MAEA: variants seen among roughly 807,000 people sequenced by gnomAD.
MAEA encodes E3 ubiquitin-protein transferase MAEA.
Under a neutral mutation model 46.2 loss-of-function variants are expected in MAEA, and 22 were observed. That is an observed-to-expected ratio of 0.48 (90% CI 0.34 to 0.68). The LOEUF (loss-of-function observed/expected upper bound fraction) is 0.68, where lower values mean the gene tolerates loss of function less well. Among genes scored for constraint, MAEA ranks in the 30% least tolerant of loss-of-function variants. The probability of loss-of-function intolerance (pLI) is 0.01; values close to 1 mark genes in which losing one functional copy is unlikely to be tolerated. For missense variants in MAEA, 393 were observed against 558.1 expected (o/e 0.70, Z 2.98); for synonymous variants, 246 against 222.6 (o/e 1.11, Z -0.94).
intron 1 of MAEA, among the ~76,000 whole-genome samples, chr4:1,290,247 G>A (rs1271117193): frequency 2.6e-5 from 4 of 152,156 alleles, no homozygotes; most frequent in Non-Finnish European, 4.4e-5. Flanking sequence ...GACTCTGGCA[G>A]CGCTAAGGGT....
At position 1,339,196 on chromosome 4, in the gene MAEA, G is replaced by A. The variant is rs753071799; in HGVS notation, c.*27G>A. 43 of 1,582,914 alleles carry A rather than the reference G, an allele frequency of 2.7e-5. No individual in the cohort carries two copies. The highest frequency in any genetic ancestry group is 4.5e-5 in the East Asian group (2 of 44,676). ...CCCCACGTCGTGAAGCGCACGCCTCGGGGACGGGCTGCAGTGGGCGGGGAG... is the reference window on the plus strand; with the variant it reads ...CCCCACGTCGTGAAGCGCACGCCTCAGGGACGGGCTGCAGTGGGCGGGGAG... On this transcript the variant is annotated 3_prime_UTR_variant, in exon 9 of 9. Transcript: ENST00000303400.
At chr4:1,310,062 C>G (rs537852936) in intron 1 of MAEA, 2 of 1,089,636 alleles carry the variant, frequency 1.8e-6, no homozygotes, top group Admixed American at 9.9e-5. Context: ...GTCTAATGGT[C>G]TAATGGCGAA....
Position 1,290,424 on chromosome 4 carries a change from G to T in MAEA, c.69+442G>T, listed in dbSNP as rs186123821. Reference sequence around the variant, plus strand: ...GGTCGCTAGTTAGGAACTGTAGGGAGAAACCTCACGGCCTGATGGCACCCA... The same window carrying T: ...GGTCGCTAGTTAGGAACTGTAGGGATAAACCTCACGGCCTGATGGCACCCA... On this transcript the variant is annotated intron_variant, in intron 1 of 8. Coordinates refer to ENST00000303400, the MANE Select transcript of MAEA (RefSeq NM_001017405.3). Among the ~76,000 whole-genome samples the T allele has an allele frequency of 3.8e-3, 582 of 152,294 alleles. 3 individuals are homozygous for T. The highest frequency in any genetic ancestry group is 0.013 in the African/African-American group (547 of 41,558).
At chr4:1,305,482 C>G (rs1735738349) in intron 1 of MAEA, among the ~76,000 whole-genome samples, 1 of 152,194 alleles carries the variant, frequency 6.6e-6, no homozygotes, top group South Asian at 2.1e-4. Flanking sequence ...ATTCCTGCAC[C>G]TGTATGTGGA....
intron 7 of MAEA, chr4:1,338,094 C>T (rs1292478393): frequency 3.5e-6 from 1 of 288,714 alleles, no homozygotes; most frequent in East Asian, 6.7e-5. Context: ...GCCAGCAGAA[C>T]GTCCCTGCTG....
At chr4:1,324,605 G>C (rs1447043520) in intron 4 of MAEA, among the ~76,000 whole-genome samples, 1 of 146,830 alleles carries the variant, frequency 6.8e-6, no homozygotes, top group Non-Finnish European at 1.5e-5. Context: ...GCCTGGTGTT[G>C]GATGAGTTGA....
chr4:1,324,965 G>T (rs1298706171), intron 4 of MAEA, among the ~76,000 whole-genome samples: 1 of 152,076 alleles, frequency 6.6e-6, no homozygotes, highest in Non-Finnish European at 1.5e-5. Flanking sequence ...ATGAAGTCGA[G>T]ACTGGACGGG....
intron 1 of MAEA, among the ~76,000 whole-genome samples, chr4:1,291,160 G>T (rs997512343): frequency 6.6e-6 from 1 of 152,160 alleles, no homozygotes; most frequent in East Asian, 1.9e-4. Flanking sequence ...TTAACTAGCG[G>T]TTTATTTCAT....
At chr4:1,290,934 A>T (rs183065959) in intron 1 of MAEA, among the ~76,000 whole-genome samples, 6 of 152,330 alleles carry the variant, frequency 3.9e-5, no homozygotes, top group Non-Finnish European at 2.9e-5. Context: ...ACTGGGAGAC[A>T]TCAGGGCCCG....
At chr4:1,323,431 C>G in intron 4 of MAEA, 3 of 701,424 alleles carry the variant, frequency 4.3e-6, no homozygotes, top group Middle Eastern at 4.6e-4. Flanking sequence ...GCTTTAACCT[C>G]ACCCTGGCTG....
chr4:1,321,190 G>T (rs1249793395), intron 3 of MAEA, among the ~76,000 whole-genome samples: 4 of 151,978 alleles, frequency 2.6e-5, no homozygotes, highest in Admixed American at 1.3e-4. Context: ...CTATGAAGGG[G>T]CTTCAGAAAA....
At chr4:1,318,466 C>T (rs969400150) in intron 3 of MAEA, among the ~76,000 whole-genome samples, 35 of 152,280 alleles carry the variant, frequency 2.3e-4, no homozygotes, top group African/African-American at 6.0e-4. Flanking sequence ...CAGGGTGAGA[C>T]GGGCTACACT....
chr4:1,315,446 G>A lies in MAEA; in HGVS notation c.302G>A (p.Arg101His), dbSNP rs754190109. Residue 101 changes from arginine to histidine, a missense_variant, in exon 3 of 9, where the codon CGC (arginine) becomes CAC (histidine). Around this residue, in one of 2 missense-constraint regions of MAEA, gnomAD observed 358 missense variants for 537.9 expected, o/e 0.67. Transcript: ENST00000303400. Reference sequence around the variant, plus strand: ...GACGAGAGCGCCAAGCTGTGCAAGCGCCGGATCGAGCACCTCAAAGAGCAT... The same window carrying A: ...GACGAGAGCGCCAAGCTGTGCAAGCACCGGATCGAGCACCTCAAAGAGCAT... Reference protein sequence around the residue: ...AEDESAKLCKRRIEHLKEHSS... With the variant: ...AEDESAKLCKHRIEHLKEHSS... The A allele has an allele frequency of 1.2e-6, 2 of 1,613,870 alleles. No individual in the cohort carries two copies. Among genetic ancestry groups the A allele is most frequent in the Non-Finnish European group, 8.5e-7 (1 of 1,180,020 alleles).
chr4:1,334,949 T>C lies in MAEA; in HGVS notation c.766-1912T>C, dbSNP rs1036287033. 8 of 985,396 alleles carry C rather than the reference T, an allele frequency of 8.1e-6. No individual in the cohort carries two copies. In the African/African-American group the frequency reaches 8.7e-5, roughly 11 times the overall value. 61.0% of individuals were successfully genotyped at this position (985,396 alleles called of 1,614,324 possible). A position where few individuals can be genotyped will look rare whatever the true frequency, so the allele number is the denominator to read the frequency against. Reference sequence around the variant, plus strand: ...AAATGTTGGAGTTAAGTGTGGTGTTTACCCTAAACTGAGACTGAGAAGCTT... The same window carrying C: ...AAATGTTGGAGTTAAGTGTGGTGTTCACCCTAAACTGAGACTGAGAAGCTT... On this transcript the variant is annotated intron_variant, in intron 6 of 8. Transcript: ENST00000303400.
At chr4:1,310,121 C>G in intron 1 of MAEA, 3 of 635,194 alleles carry the variant, frequency 4.7e-6, no homozygotes, top group Non-Finnish European at 5.9e-6. Flanking sequence ...AGAGCAAAGA[C>G]TGAGTATATG....
chr4:1,298,193 C>A, intron 1 of MAEA: 1 of 409,264 alleles, frequency 2.4e-6, no homozygotes, highest in South Asian at 1.7e-5. Flanking sequence ...GCGGCTTGGC[C>A]CTGTCTGTCG....
chr4:1,301,165 A>G (rs535452763), intron 1 of MAEA, among the ~76,000 whole-genome samples: 3 of 152,370 alleles, frequency 2.0e-5, no homozygotes, highest in Middle Eastern at 3.4e-3. Flanking sequence ...ATGATGACAC[A>G]CTGAAATGCG....
intron 3 of MAEA, among the ~76,000 whole-genome samples, 196 bp downstream of exon 3, chr4:1,315,796 C>T (rs1168353259): frequency 8.8e-6 from 1 of 113,348 alleles, no homozygotes; most frequent in African/African-American, 3.4e-5. Flanking sequence ...GTGTGTCCCC[C>T]TCCCCGTGTG....
chr4:1,329,564 C>T, intron 5 of MAEA: 1 of 985,306 alleles, frequency 1.0e-6, no homozygotes, highest in Non-Finnish European at 1.2e-6. Context: ...GTCTCGGGGG[C>T]AGGCGCAGTG....
Sources: gnomAD v4.1 joint callset for allele counts (sites outside exome capture counted in the v4.1 genomes callset) on GRCh38, gnomAD v4.1.1 for gene constraint, gnomAD v4.1.1 regional missense constraint, MANE v1.5 for transcripts, NCBI Gene and HGNC (gene_info 2026-07-23, HGNC 2026-07-21) for gene names.